Variants in CCDC40 observed in about 807,000 individuals in gnomAD.
CCDC40 encodes coiled-coil domain-containing protein 40.
A neutral mutation model predicts 124.5 loss-of-function variants in CCDC40; 104 were observed. That is an observed-to-expected ratio of 0.84 (90% CI 0.71 to 0.98). The LOEUF (loss-of-function observed/expected upper bound fraction) is 0.98, where lower values mean the gene tolerates loss of function less well. CCDC40 is among the 50% of genes least tolerant of loss of function. The probability of loss-of-function intolerance (pLI) is 0.00; values close to 1 mark genes in which losing one functional copy is unlikely to be tolerated. For missense variants in CCDC40, 1,463 were observed against 1,503.9 expected (o/e 0.97, Z 0.45); for synonymous variants, 580 against 602.9 (o/e 0.96, Z 0.56).
chr17:80,050,915 C>T (rs947714175), intron 7 of CCDC40, among the ~76,000 whole-genome samples: 2 of 152,114 alleles, frequency 1.3e-5, no homozygotes, highest in Admixed American at 6.6e-5. Context: ...TCAATAGATG[C>T]GAATGCGAGG....
chr17:80,066,645 C>T lies in CCDC40; in HGVS notation c.1562+1039C>T, dbSNP rs116515580. 0.013 allele frequency: 2,168 copies of T among 162,010 alleles called. 53 individuals carry two copies. Among genetic ancestry groups the T allele is most frequent in the African/African-American group, 0.049 (2,050 of 41,558 alleles). 10.0% of individuals were successfully genotyped at this position (162,010 alleles called of 1,614,324 possible). ...GTGTGGGCGCCTGTAATCCCCGCTA[C>T]TCGGGAGGGTGAGACAGAGAACTGC... On this transcript the variant is annotated intron_variant, in intron 10 of 19. Transcript: ENST00000397545. This position sits in a 1 kb window ranked among gnomAD's most constrained non-coding sequence, Gnocchi z 4.4.
rs149341230 is a variant in CCDC40, at chr17:80,052,877, G to T, written c.1159+2594G>T. Among the ~76,000 whole-genome samples, 433 of 152,308 alleles carry T rather than the reference G, an allele frequency of 2.8e-3. 2 individuals are homozygous for T. The highest frequency in any genetic ancestry group is 0.01 in the Middle Eastern group (3 of 294). Reference sequence around the variant, plus strand: ...ACATTGCATCCATAAAGAGAACAAAGTGTTAGGAAAAGGGGTACGTGAAAT... The same window carrying T: ...ACATTGCATCCATAAAGAGAACAAATTGTTAGGAAAAGGGGTACGTGAAAT... On this transcript the variant is annotated intron_variant, in intron 7 of 19. Transcript: ENST00000397545.
At position 80,058,480 on chromosome 17, in the gene CCDC40, G is replaced by A. The variant is rs754473603; in HGVS notation, c.1160-14G>A. 9.3e-6 allele frequency: 15 copies of A among 1,612,876 alleles called. No individual in the cohort carries two copies. The highest frequency in any genetic ancestry group is 4.0e-5 in the African/African-American group (3 of 74,974). ...CTCACTCTCTCTCTCTTTCTCCCCC[G>A]CCGCGCCCCGCAGTGGCGGCTCTGC... On this transcript the variant is annotated splice_polypyrimidine_tract_variant and intron_variant, in intron 7 of 19. Coordinates refer to ENST00000397545, the MANE Select transcript of CCDC40 (RefSeq NM_017950.4). This position sits in a 1 kb window ranked among gnomAD's most constrained non-coding sequence, Gnocchi z 4.2.
In CCDC40 at chr17:80,039,886, C is replaced by T. The variant is rs770942016; in HGVS notation, c.168C>T (p.Val56=). 4 of 1,613,646 alleles carry T rather than the reference C, an allele frequency of 2.5e-6. No individual in the cohort carries two copies. In the Admixed American group the frequency reaches 6.7e-5, roughly 27 times the overall value. The stretch of plus-strand genomic sequence containing the variant: ...GTAGCACAGAGCATCCTGAGGAAGT[C>T]ACAACCCAAGCGGAAGCTGCAATTG... The part of the protein sequence containing the change: ...AVGSTEHPEE[V]TTQAEAAIEE... The change falls in exon 3 of 20, where the codon GTC becomes GTT. Residue 56 remains valine (V), a synonymous_variant. Transcript: ENST00000397545.
chr17:80,043,528 G>A (rs544973859), intron 3 of CCDC40, among the ~76,000 whole-genome samples: 87 of 124,238 alleles, frequency 7.0e-4, no homozygotes, highest in Non-Finnish European at 1.1e-3. Flanking sequence ...ACACCCCTGC[G>A]GCCGGCCTTG....
At position 80,099,705 on chromosome 17, in the gene CCDC40, A is replaced by T; in HGVS notation, c.3359A>T (p.Gln1120Leu). The change falls in exon 20 of 20, where the codon CAG becomes CTG. Residue 1120 changes from glutamine (Q) to leucine (L), a missense_variant. Transcript: ENST00000397545. ...GACCGCGTGCGGGACGAGTACCCCC[A>T]GTTCCAGGAGGCCCTGCACAAGGTC... ...ILDRVRDEYP[Q>L]FQEALHKVSQ... 1 of 1,613,798 alleles carries T rather than the reference A, an allele frequency of 6.2e-7. No homozygotes were observed.
chr17:80,077,735 G>A lies in CCDC40; in HGVS notation c.1563-3811G>A, dbSNP rs1014691384. Among the ~76,000 whole-genome samples the A allele has an allele frequency of 6.6e-5, 10 of 152,212 alleles. No individual in the cohort carries two copies. The East Asian group carries it at 1.5e-3, about 23-fold the overall frequency. On this transcript the variant is annotated intron_variant, in intron 10 of 19. Coordinates refer to ENST00000397545, the MANE Select transcript of CCDC40 (RefSeq NM_017950.4). ...TGAGCCTGCGTGTCCCTAATGACTAGCGATGGTGAGCATCTCTTCCCCGGC... is the reference window on the plus strand; with the variant it reads ...TGAGCCTGCGTGTCCCTAATGACTAACGATGGTGAGCATCTCTTCCCCGGC...
chr17:80,081,872 C>T lies in CCDC40; in HGVS notation c.1807-4C>T, dbSNP rs759273764. 9.9e-6 allele frequency: 16 copies of T among 1,614,108 alleles called. No homozygotes were observed. Among genetic ancestry groups the T allele is most frequent in the Non-Finnish European group, 1.4e-5 (16 of 1,180,020 alleles). The stretch of plus-strand genomic sequence containing the variant: ...ACGTGCACCCTGTGGCTCCTTGTCT[C>T]CAGGAACAAATGATACTCACGGAGG... On this transcript the variant is annotated splice_polypyrimidine_tract_variant and splice_region_variant and intron_variant, in intron 11 of 19. Transcript: ENST00000397545.
chr17:80,061,934 A>G (rs923645295), intron 9 of CCDC40, among the ~76,000 whole-genome samples: 2 of 152,110 alleles, frequency 1.3e-5, no homozygotes, highest in Non-Finnish European at 1.5e-5. Context: ...ACCTATGCAG[A>G]TAACATTTTT....
intron 2 of CCDC40, among the ~76,000 whole-genome samples, chr17:80,039,478 C>T (rs1377485923): frequency 6.6e-6 from 1 of 150,994 alleles, no homozygotes; most frequent in Non-Finnish European, 1.5e-5. Context: ...GTGGCACGAT[C>T]TCAGCTCACT....
At chr17:80,038,284 A>G in intron 2 of CCDC40, 98 bp downstream of exon 2, 1 of 823,748 alleles carries the variant, frequency 1.2e-6, no homozygotes, top group Non-Finnish European at 2.0e-6. Context: ...TAATCCCAAC[A>G]CTTTGGGAGG....
intron 2 of CCDC40, 99 bp downstream of exon 2, chr17:80,038,285 C>G: frequency 3.8e-6 from 3 of 798,788 alleles, no homozygotes; most frequent in Non-Finnish European, 6.4e-6. Flanking sequence ...AATCCCAACA[C>G]TTTGGGAGGC....
intron 10 of CCDC40, among the ~76,000 whole-genome samples, chr17:80,070,926 G>C (rs1334751195): frequency 1.3e-5 from 2 of 152,164 alleles, no homozygotes; most frequent in Non-Finnish European, 2.9e-5. Context: ...TGTGGGAGCT[G>C]GACACTGCCC....
Position 80,095,370 on chromosome 17 carries a change from G to A in CCDC40, c.2940G>A (p.Lys980=). Residue 980 remains lysine, a synonymous_variant, in exon 18 of 20, where the codon AAG becomes AAA. Coordinates refer to ENST00000397545, the MANE Select transcript of CCDC40 (RefSeq NM_017950.4). ...CCACCCAGGCCGAGGGGCAGCGCAA[G>A]ATGGACAGGAAGGCGCTCACCCGCA... is the stretch of plus-strand genomic sequence containing the variant. ...TVTTQAEGQR[K]MDRKALTRTD... 1 of 1,614,156 alleles carries A rather than the reference G, an allele frequency of 6.2e-7. No individual in the cohort carries two copies. The highest frequency in any genetic ancestry group is 2.2e-5 in the East Asian group (1 of 44,894).
At chr17:80,083,791 G>A (rs767635411) in intron 12 of CCDC40, among the ~76,000 whole-genome samples, 2 of 152,224 alleles carry the variant, frequency 1.3e-5, no homozygotes, top group Admixed American at 6.5e-5. Context: ...CAGACCTGCC[G>A]GACAGCAGGA....
chr17:80,069,475 G>A (rs1031253137), intron 10 of CCDC40, among the ~76,000 whole-genome samples: 12 of 152,234 alleles, frequency 7.9e-5, no homozygotes, highest in Non-Finnish European at 1.8e-4. Context: ...GTCAGGCGCG[G>A]TGGCTCACGC....
At chr17:80,097,447 C>T (rs1325771897) in intron 19 of CCDC40, 44 bp downstream of exon 19, 7 of 1,608,310 alleles carry the variant, frequency 4.4e-6, no homozygotes, top group Admixed American at 1.7e-5. Context: ...GGCCATGGAA[C>T]ATGCCACTCA....
chr17:80,045,948 C>T (rs2037410883), intron 3 of CCDC40, among the ~76,000 whole-genome samples: 1 of 152,010 alleles, frequency 6.6e-6, no homozygotes, highest in African/African-American at 2.4e-5. Flanking sequence ...AGAATTATCG[C>T]AAAACAATTA....
At chr17:80,067,855 T>G in intron 10 of CCDC40, 1 of 1,397,310 alleles carries the variant, frequency 7.2e-7, no homozygotes, top group Non-Finnish European at 9.3e-7. Flanking sequence ...CCAATCCGAT[T>G]GATGAAGAAA....
Sources: allele counts gnomAD v4.1 joint callset (sites outside exome capture counted in the v4.1 genomes callset), GRCh38; gene constraint gnomAD v4.1.1; non-coding constraint Gnocchi (gnomAD v3.1); transcripts MANE v1.5; gene names NCBI Gene and HGNC (gene_info 2026-07-23, HGNC 2026-07-21).